SPAG16: variants seen among roughly 807,000 people sequenced by gnomAD.
SPAG16 encodes the protein sperm associated antigen 16.
In SPAG16, 86 loss-of-function variants were observed where a neutral mutation model predicts 80.4. That is an observed-to-expected ratio of 1.07 (90% confidence interval 0.90 to 1.28). SPAG16 has a LOEUF of 1.28. SPAG16 is among the 50% of genes most tolerant of loss of function. SPAG16 has a pLI of 0.00. For synonymous variants in SPAG16, 294 were observed against 265.9 expected (o/e 1.11, Z -1.03); for missense variants, 870 against 765.3 (o/e 1.14, Z -1.61).
At chr2:214,342,741 C>T (rs571266249) in intron 15 of SPAG16, among the ~76,000 whole-genome samples, 12 of 152,148 alleles carry the variant, frequency 7.9e-5, no homozygotes, top group African/African-American at 2.7e-4. Flanking sequence ...GCCCGTGGTA[C>T]CAAAAAGGTT....
At chr2:213,433,800 G>C (rs2371966) in intron 9 of SPAG16, among the ~76,000 whole-genome samples, 3,568 of 151,302 alleles carry the variant, frequency 0.024, 59 homozygotes, top group African/African-American at 0.039. Context: ...TAAATTCTAA[G>C]CAAAAAGAAT....
intron 10 of SPAG16, among the ~76,000 whole-genome samples, chr2:213,588,191 A>AATAT (rs147098096): frequency 0.018 from 2,761 of 152,276 alleles, 48 homozygotes; most frequent in South Asian, 0.052. Flanking sequence ...TTCTTTAAGC[A>AATAT]ATATATTAAG....
At chr2:214,249,316 T>G (rs1030669198) in intron 15 of SPAG16, among the ~76,000 whole-genome samples, 5 of 152,130 alleles carry the variant, frequency 3.3e-5, no homozygotes, top group Non-Finnish European at 7.3e-5. Flanking sequence ...TAAAAATGCA[T>G]TTTCAAATTC....
intron 10 of SPAG16, among the ~76,000 whole-genome samples, chr2:213,734,092 A>G (rs1448746147): frequency 2.0e-5 from 3 of 152,168 alleles, no homozygotes; most frequent in South Asian, 2.1e-4. Flanking sequence ...TTCTGGGGAA[A>G]GTCCAGTTTA....
intron 12 of SPAG16, among the ~76,000 whole-genome samples, chr2:213,965,501 T>G (rs1215319490): frequency 6.6e-6 from 1 of 152,200 alleles, no homozygotes; most frequent in East Asian, 1.9e-4. Flanking sequence ...TTGCTCCAAT[T>G]AACATCTCAG....
chr2:214,012,635 C>T (rs1190898003), intron 12 of SPAG16, among the ~76,000 whole-genome samples: 2 of 152,092 alleles, frequency 1.3e-5, no homozygotes, highest in Admixed American at 6.6e-5. Flanking sequence ...TTTATATTGA[C>T]TCCTCTGTTC....
chr2:214,036,223 A>C (rs542429369), intron 13 of SPAG16, among the ~76,000 whole-genome samples: 1 of 152,252 alleles, frequency 6.6e-6, no homozygotes, highest in East Asian at 1.9e-4. Context: ...TGGCCAATGG[A>C]AATTTTTTCA....
At chr2:214,001,894 A>G (rs899119458) in intron 12 of SPAG16, among the ~76,000 whole-genome samples, 1 of 152,224 alleles carries the variant, frequency 6.6e-6, no homozygotes, top group African/African-American at 2.4e-5. Context: ...TGATAAAGAC[A>G]TACTTGAGAC....
intron 10 of SPAG16, among the ~76,000 whole-genome samples, chr2:213,639,479 CT>C (rs1159579517): frequency 2.0e-5 from 3 of 152,106 alleles, no homozygotes; most frequent in Non-Finnish European, 4.4e-5. Context: ...GTGAAAAAGA[CT>C]TTATCTCCCC....
At position 213,462,798 on chromosome 2, in the gene SPAG16, C is replaced by T. The variant is rs150756532; in HGVS notation, c.943-27165C>T. 5.2e-3 allele frequency among the ~76,000 whole-genome samples: 799 copies of T among 152,226 alleles called. 4 individuals carry two copies. Among genetic ancestry groups the T allele is most frequent in the African/African-American group, 0.017 (709 of 41,536 alleles). ...CTTTCCTTTATAAATAACCCAGTCTCGGGTATTTCTTCATAGCAATGTGAG... is the reference window on the plus strand; with the variant it reads ...CTTTCCTTTATAAATAACCCAGTCTTGGGTATTTCTTCATAGCAATGTGAG... On this transcript the variant is annotated intron_variant, in intron 9 of 15. Transcript: ENST00000331683.
At chr2:213,728,618 G>A (rs909987114) in intron 10 of SPAG16, among the ~76,000 whole-genome samples, 6 of 152,244 alleles carry the variant, frequency 3.9e-5, no homozygotes, top group African/African-American at 7.2e-5. Context: ...GCTCACGCCT[G>A]TAATCCCAGC....
At chr2:213,399,534 T>C (rs1205162388) in intron 9 of SPAG16, among the ~76,000 whole-genome samples, 3 of 152,030 alleles carry the variant, frequency 2.0e-5, no homozygotes, top group African/African-American at 7.2e-5. Flanking sequence ...TCATCATGTG[T>C]TATTTGAGTT....
intron 9 of SPAG16, among the ~76,000 whole-genome samples, chr2:213,388,610 C>T (rs2067575377): frequency 6.6e-6 from 1 of 152,042 alleles, no homozygotes; most frequent in Non-Finnish European, 1.5e-5. Context: ...GTAAAAAACC[C>T]AGCAAACCCT....
At chr2:214,089,179 G>T (rs2051992903) in intron 13 of SPAG16, among the ~76,000 whole-genome samples, 1 of 151,974 alleles carries the variant, frequency 6.6e-6, no homozygotes, top group Admixed American at 6.6e-5. Context: ...GCCTATCCCA[G>T]TATCTTGCCA....
At chr2:214,391,258 G>A (rs1395816741) in intron 15 of SPAG16, among the ~76,000 whole-genome samples, 1 of 152,064 alleles carries the variant, frequency 6.6e-6, no homozygotes. Flanking sequence ...GAATGATTTT[G>A]AGCAGTAAAT....
chr2:214,059,929 A>G (rs1576019798), intron 13 of SPAG16, among the ~76,000 whole-genome samples: 2 of 152,240 alleles, frequency 1.3e-5, no homozygotes, highest in Admixed American at 1.3e-4. Context: ...CTCTTGAAGC[A>G]TCTGGGTACT....
intron 6 of SPAG16, among the ~76,000 whole-genome samples, chr2:213,344,287 A>G (rs2064847511): frequency 6.6e-6 from 1 of 152,102 alleles, no homozygotes; most frequent in African/African-American, 2.4e-5. Context: ...CTGCCAGGGT[A>G]GCTCCAGCAT....
chr2:213,965,894 T>A (rs2044688131), intron 12 of SPAG16, among the ~76,000 whole-genome samples: 1 of 152,146 alleles, frequency 6.6e-6, no homozygotes, highest in Non-Finnish European at 1.5e-5. Flanking sequence ...GAGTGCTGGG[T>A]TGGGATGACA....
chr2:213,905,042 G>T (rs1000989663), intron 11 of SPAG16, among the ~76,000 whole-genome samples: 3 of 152,096 alleles, frequency 2.0e-5, no homozygotes, highest in Non-Finnish European at 2.9e-5. Flanking sequence ...AGACCAGTCT[G>T]GAAGCTACTT....
Sources: gnomAD v4.1 joint callset for allele counts (sites outside exome capture counted in the v4.1 genomes callset) on GRCh38, gnomAD v4.1.1 for gene constraint, MANE v1.5 for transcripts, NCBI Gene and HGNC (gene_info 2026-07-23, HGNC 2026-07-21) for gene names.